Variants in PRKG1 observed in about 807,000 individuals in gnomAD.
PRKG1 encodes the protein protein kinase cGMP-dependent 1, also known as cGMP-dependent protein kinase 1.
A neutral mutation model predicts 88.1 loss-of-function variants in PRKG1; 35 were observed. The ratio of observed to expected loss-of-function variants is 0.40; its 90% CI spans 0.30 to 0.53. The LOEUF (loss-of-function observed/expected upper bound fraction) is 0.53. Among genes scored for constraint, PRKG1 ranks in the 20% least tolerant of loss-of-function variants. The probability of loss-of-function intolerance (pLI) is 0.59; values close to 1 mark genes in which losing one functional copy is unlikely to be tolerated. For missense variants in PRKG1, 540 were observed against 839.8 expected (o/e 0.64, Z 4.41); for synonymous variants, 303 against 292.5 (o/e 1.04, Z -0.37).
chr10:51,638,693 G>A (rs1448629431), intron 3 of PRKG1, among the ~76,000 whole-genome samples: 1 of 152,170 alleles, frequency 6.6e-6, no homozygotes, highest in Non-Finnish European at 1.5e-5. Context: ...ATGTGCAGGA[G>A]AGCCTGTCTC....
intron 1 of PRKG1, among the ~76,000 whole-genome samples, chr10:51,083,831 T>C (rs1844178220): frequency 6.6e-6 from 1 of 152,214 alleles, no homozygotes; most frequent in Admixed American, 6.5e-5. Flanking sequence ...TCCTGCCCTC[T>C]GTCCCCTTAG....
chr10:52,131,625 T>TC (rs1246493283), intron 7 of PRKG1, among the ~76,000 whole-genome samples: 1 of 151,478 alleles, frequency 6.6e-6, no homozygotes, highest in Non-Finnish European at 1.5e-5. Flanking sequence ...GGCGGGTGGA[T>TC]CCCCTGAGGT....
At chr10:51,278,261 G>A (rs758670676) in intron 2 of PRKG1, among the ~76,000 whole-genome samples, 28 of 152,216 alleles carry the variant, frequency 1.8e-4, no homozygotes, top group Non-Finnish European at 3.2e-4. Flanking sequence ...TACGTTTATC[G>A]ATTTTCGTAT....
intron 3 of PRKG1, among the ~76,000 whole-genome samples, chr10:51,490,767 G>T: frequency 6.6e-6 from 1 of 152,046 alleles, no homozygotes; most frequent in Non-Finnish European, 1.5e-5. Flanking sequence ...GTGAATATAA[G>T]GTGATATAGT....
At chr10:52,211,097 T>TTTA (rs1839959894) in intron 9 of PRKG1, among the ~76,000 whole-genome samples, 1 of 152,200 alleles carries the variant, frequency 6.6e-6, no homozygotes, top group African/African-American at 2.4e-5. Flanking sequence ...ACACTTCACT[T>TTTA]TTTAAGAGAA....
At chr10:51,967,635 A>G (rs1843605105) in intron 5 of PRKG1, among the ~76,000 whole-genome samples, 1 of 151,968 alleles carries the variant, frequency 6.6e-6, no homozygotes, top group African/African-American at 2.4e-5. Context: ...TGGCCTTGAC[A>G]TTATTCTTTA....
At chr10:51,549,902 G>T (rs1370642060) in intron 3 of PRKG1, among the ~76,000 whole-genome samples, 4 of 152,090 alleles carry the variant, frequency 2.6e-5, no homozygotes, top group Non-Finnish European at 5.9e-5. Flanking sequence ...GTTAGGATGG[G>T]GGAAGTGTCC....
intron 2 of PRKG1, among the ~76,000 whole-genome samples, chr10:51,233,514 G>T (rs1315525398): frequency 6.6e-6 from 1 of 152,114 alleles, no homozygotes; most frequent in East Asian, 1.9e-4. Flanking sequence ...TGTTATTAAG[G>T]CTTATCAGTC....
chr10:52,288,801 A>T lies in PRKG1; in HGVS notation c.1785A>T (p.Pro595=). The change falls in exon 15 of 18, where the codon CCA becomes CCT. Residue 595 remains proline (P), a synonymous_variant. Coordinates refer to ENST00000373980, the MANE Select transcript of PRKG1 (RefSeq NM_006258.4). ...GGGGGATTGACATGATAGAATTTCC[A>T]AAGAAGATTGCCAAAAATGCTGCTA... ...ILRGIDMIEF[P]KKIAKNAANL... is the part of the protein sequence containing the mutation. 6.2e-7 allele frequency: 1 copy of T among 1,608,188 alleles called. No homozygotes were observed. Among genetic ancestry groups the T allele is most frequent in the Admixed American group, 1.7e-5 (1 of 59,192 alleles).
At chr10:51,100,718 AAGTGGTGAT>A (rs1484897275) in intron 1 of PRKG1, among the ~76,000 whole-genome samples, 1 of 152,192 alleles carries the variant, frequency 6.6e-6, no homozygotes, top group Non-Finnish European at 1.5e-5. Flanking sequence ...CTGATGGAGG[AAGTGGTGAT>A]AGAGTTGTTA....
At chr10:51,603,649 A>C (rs1838675700) in intron 3 of PRKG1, among the ~76,000 whole-genome samples, 1 of 152,214 alleles carries the variant, frequency 6.6e-6, no homozygotes, top group African/African-American at 2.4e-5. Flanking sequence ...ACTGGTTCTT[A>C]GGATACTGGA....
intron 1 of PRKG1, among the ~76,000 whole-genome samples, chr10:51,053,770 T>G (rs1589125074): frequency 3.3e-5 from 2 of 60,644 alleles, no homozygotes; most frequent in East Asian, 3.9e-4. Flanking sequence ...TAGTTATGGG[T>G]TTTTTTTGTT....
intron 4 of PRKG1, among the ~76,000 whole-genome samples, chr10:51,877,947 T>G (rs541487331): frequency 3.2e-4 from 48 of 152,308 alleles, no homozygotes; most frequent in African/African-American, 1.1e-3. Flanking sequence ...AAGATACCAC[T>G]ACTACAATAG....
In PRKG1 at chr10:52,288,717, T is replaced by C. The variant is rs1459117425; in HGVS notation, c.1710-9T>C. On this transcript the variant is annotated splice_polypyrimidine_tract_variant and intron_variant, in intron 14 of 17. Transcript: ENST00000373980. ...GTAATATCTCTTGTCGTGTCTCTCA[T>C]TCTTGCAGCCCACCTTTCTCAGGCC... is the stretch of plus-strand genomic sequence containing the variant. 6.4e-7 allele frequency: 1 copy of C among 1,572,926 alleles called. No individual in the cohort carries two copies. The highest frequency in any genetic ancestry group is 1.4e-5 in the African/African-American group (1 of 72,388).
intron 3 of PRKG1, among the ~76,000 whole-genome samples, chr10:51,656,442 G>A (rs914249309): frequency 6.6e-6 from 1 of 152,058 alleles, no homozygotes; most frequent in African/African-American, 2.4e-5. Flanking sequence ...ATCATGTATA[G>A]TGTGTTATGT....
At chr10:52,180,003 A>G (rs2132725801) in intron 9 of PRKG1, among the ~76,000 whole-genome samples, 2 of 152,256 alleles carry the variant, frequency 1.3e-5, no homozygotes, top group Middle Eastern at 6.8e-3. Flanking sequence ...GATTTTCTGT[A>G]CCTTTTGATT....
chr10:51,723,621 A>AAAAAAAAG (rs55695811), intron 3 of PRKG1, among the ~76,000 whole-genome samples: 36 of 150,958 alleles, frequency 2.4e-4, no homozygotes, highest in Non-Finnish European at 2.4e-4. Context: ...GCATGACAAA[A>AAAAAAAAG]AAAAAGAAAA....
At chr10:52,197,709 G>T (rs1325020094) in intron 9 of PRKG1, among the ~76,000 whole-genome samples, 1 of 152,190 alleles carries the variant, frequency 6.6e-6, no homozygotes, top group East Asian at 1.9e-4. Context: ...TCCAAGTCCA[G>T]CTCCTTCATT....
chr10:51,564,989 A>G (rs901253476), intron 3 of PRKG1, among the ~76,000 whole-genome samples: 2 of 152,002 alleles, frequency 1.3e-5, no homozygotes, highest in African/African-American at 4.8e-5. Flanking sequence ...TTTCACCCAG[A>G]AGAGAAAGAG....
Sources: gnomAD v4.1 joint callset for allele counts (sites outside exome capture counted in the v4.1 genomes callset) on GRCh38, gnomAD v4.1.1 for gene constraint, MANE v1.5 for transcripts, NCBI Gene and HGNC (gene_info 2026-07-23, HGNC 2026-07-21) for gene names.